DENND2B: variants seen among roughly 807,000 people sequenced by gnomAD.
DENND2B encodes DENN domain-containing protein 2B.
In DENND2B, 32 loss-of-function variants were observed where a neutral mutation model predicts 116.0. The observed-to-expected ratio is 0.28, with a 90% CI of 0.21 to 0.37. The LOEUF (loss-of-function observed/expected upper bound fraction) is 0.37, where lower values mean the gene tolerates loss of function less well. Among genes scored for constraint, DENND2B ranks in the 10% least tolerant of loss-of-function variants. DENND2B has a pLI of 1.00. For synonymous variants in DENND2B, 588 were observed against 583.9 expected (o/e 1.01, Z -0.10); for missense variants, 1,276 against 1,477.7 (o/e 0.86, Z 2.24).
chr11:8,737,116 T>C (rs1170315766), intron 2 of DENND2B, among the ~76,000 whole-genome samples: 1 of 152,196 alleles, frequency 6.6e-6, no homozygotes, highest in Non-Finnish European at 1.5e-5. Context: ...TAGGACAGCA[T>C]CAGGATATTT....
At chr11:8,731,554 TAAC>T (rs2048130433) in intron 2 of DENND2B, among the ~76,000 whole-genome samples, 1 of 152,108 alleles carries the variant, frequency 6.6e-6, no homozygotes, top group Non-Finnish European at 1.5e-5. Context: ...GCCACATGCT[TAAC>T]AACCAGTTCT....
intron 13 of DENND2B, among the ~76,000 whole-genome samples, chr11:8,706,270 T>C (rs2042585836): frequency 6.6e-6 from 1 of 152,016 alleles, no homozygotes; most frequent in South Asian, 2.1e-4. Context: ...AAAAATAAAA[T>C]GAAATGAAAA....
chr11:8,738,771 T>C (rs2049602866), intron 2 of DENND2B, among the ~76,000 whole-genome samples: 1 of 152,212 alleles, frequency 6.6e-6, no homozygotes, highest in African/African-American at 2.4e-5. Flanking sequence ...TCACTGGCAT[T>C]GTTGATGAGG....
intron 1 of DENND2B, among the ~76,000 whole-genome samples, chr11:8,898,951 T>C (rs1249651763): frequency 6.6e-6 from 1 of 151,976 alleles, no homozygotes; most frequent in African/African-American, 2.4e-5. Context: ...TTCAAAGAAC[T>C]AAAGAAAACA....
intron 2 of DENND2B, among the ~76,000 whole-genome samples, chr11:8,880,347 GT>G (rs879466504): frequency 0.33 from 47,898 of 144,584 alleles, 8,556 homozygotes; most frequent in Middle Eastern, 0.53. Context: ...ACTTTGAACT[GT>G]GTGTGTGTGT....
At chr11:8,877,501 A>T (rs2063857284) in intron 2 of DENND2B, 1 of 152,006 alleles carries the variant, frequency 6.6e-6, no homozygotes, top group Admixed American at 6.6e-5. Flanking sequence ...TGTAAACATC[A>T]CTGCACTTGA....
At chr11:8,873,209 A>G (rs1255101484), upstream of DENND2B, among the ~76,000 whole-genome samples, 1 of 152,218 alleles carries the variant, frequency 6.6e-6, no homozygotes, top group East Asian at 1.9e-4. Flanking sequence ...AGGAAAGACA[A>G]CTCAACAGAC....
intron 4 of DENND2B, among the ~76,000 whole-genome samples, chr11:8,833,408 T>C (rs1264414981): frequency 6.6e-6 from 1 of 152,176 alleles, no homozygotes; most frequent in East Asian, 1.9e-4. Context: ...ACTGTTTCCT[T>C]TGCAAGGAAA....
intron 1 of DENND2B, chr11:8,776,188 C>T (rs756861947): frequency 2.8e-6 from 1 of 360,210 alleles, no homozygotes; most frequent in South Asian, 1.7e-5. Flanking sequence ...ACACACACAC[C>T]TACCTCTCTC....
chr11:8,873,085 A>G (rs1300796272), upstream of DENND2B, among the ~76,000 whole-genome samples: 1 of 152,204 alleles, frequency 6.6e-6, no homozygotes, highest in Non-Finnish European at 1.5e-5. Context: ...GCCAGCCTCC[A>G]GGTAAATTCT....
intron 1 of DENND2B, among the ~76,000 whole-genome samples, chr11:8,804,318 T>C (rs11042076): frequency 0.49 from 74,000 of 151,960 alleles, 18,146 homozygotes; most frequent in South Asian, 0.54. Context: ...TGTCCATGGC[T>C]CCCTGTGCCC....
intron 1 of DENND2B, among the ~76,000 whole-genome samples, chr11:8,780,123 T>A (rs1176149164): frequency 6.6e-6 from 1 of 152,170 alleles, no homozygotes; most frequent in Non-Finnish European, 1.5e-5. Flanking sequence ...CTCCTTCCAT[T>A]CATACTTACA....
chr11:8,780,666 T>C (rs924462902), intron 1 of DENND2B, among the ~76,000 whole-genome samples: 1 of 152,076 alleles, frequency 6.6e-6, no homozygotes, highest in Admixed American at 6.5e-5. Flanking sequence ...AAATCAGGGA[T>C]CTTAGTTTTT....
rs1161849849 is a variant in DENND2B at position 8,698,800 on chromosome 11, C to T, written c.2940+133G>A. 1.5e-5 allele frequency: 16 copies of T among 1,078,890 alleles called. 1 individual carries two copies. The East Asian group carries it at 3.6e-4, about 24-fold the overall frequency. The allele number at this position is 1,078,890 out of a possible 1,614,324, so 66.8% of individuals were successfully genotyped here. A position where few individuals can be genotyped will look rare whatever the true frequency, so the allele number is the denominator to read the frequency against. On this transcript the variant is annotated intron_variant, in intron 16 of 19. Coordinates refer to ENST00000313726, the MANE Select transcript of DENND2B (RefSeq NM_213618.2). ...AAGGATTCCAAGACCAGCTTCTCCC[C>T]ACCCTTGACTAGTCTGTGAGTAGTA...
chr11:8,702,600 G>A lies in DENND2B; in HGVS notation c.2692C>T (p.Arg898Trp). 1 of 1,613,380 alleles carries A rather than the reference G, an allele frequency of 6.2e-7. No homozygotes were observed. Among genetic ancestry groups the A allele is most frequent in the Non-Finnish European group, 8.5e-7 (1 of 1,180,024 alleles). Residue 898 changes from arginine to tryptophan, a missense_variant, in exon 14 of 20, where the codon CGG (arginine) becomes TGG (tryptophan). Physicochemically the swap from Arg to Trp is moderately radical, Grantham distance 101. This residue lies in a region of DENND2B where 420 missense variants were observed against 631.1 expected (regional missense o/e 0.67). Coordinates refer to ENST00000313726, the MANE Select transcript of DENND2B (RefSeq NM_213618.2). This position sits in a 1 kb window ranked among gnomAD's most constrained non-coding sequence, Gnocchi z 4.6. ...RIFASLLLER[R>W]VIFVADKLST... ...AGCTTATCTGCCACAAAAATGACCC[G>A]GCGCTCCAGCAGCAGTGAGGCAAAG...
chr11:8,717,728 A>G lies in DENND2B; in HGVS notation c.1629+13T>C, dbSNP rs1160485773. The G allele has an allele frequency of 7.1e-6, 11 of 1,539,850 alleles. 2 individuals carry two copies. Among genetic ancestry groups the G allele is most frequent in the South Asian group, 6.2e-5 (5 of 81,078 alleles). On this transcript the variant is annotated intron_variant, in intron 5 of 19. Transcript: ENST00000313726. Reference sequence around the variant, plus strand: ...CACGCTAACCCTACAGGCCGATGTCAGGGCTGAGTTACCTGTGTGGGCGGG... The same window carrying G: ...CACGCTAACCCTACAGGCCGATGTCGGGGCTGAGTTACCTGTGTGGGCGGG...
At chr11:8,744,620 G>T (rs2050894641) in intron 2 of DENND2B, among the ~76,000 whole-genome samples, 1 of 152,176 alleles carries the variant, frequency 6.6e-6, no homozygotes. Flanking sequence ...AGAACCAAAA[G>T]CCCAGAGGGT....
chr11:8,718,026 G>A (rs2045277355), intron 4 of DENND2B, 134 bp from the exon 5 acceptor site: 11 of 959,924 alleles, frequency 1.1e-5, no homozygotes, highest in Non-Finnish European at 1.7e-5. Flanking sequence ...CAGCTCATGA[G>A]TCATGCAGCT....
chr11:8,908,210 C>T (rs988474607), intron 1 of DENND2B, among the ~76,000 whole-genome samples: 6 of 152,088 alleles, frequency 3.9e-5, no homozygotes, highest in Admixed American at 2.6e-4. Context: ...GAAAAGTACA[C>T]ACAAAAAATT....
Sources: allele counts gnomAD v4.1 joint callset (sites outside exome capture counted in the v4.1 genomes callset), GRCh38; gene constraint gnomAD v4.1.1; regional missense constraint gnomAD v4.1.1; non-coding constraint Gnocchi (gnomAD v3.1); transcripts MANE v1.5; gene names NCBI Gene and HGNC (gene_info 2026-07-23, HGNC 2026-07-21).